The following HDAC9 variants were observed in gnomAD, a reference collection of about 807,000 sequenced individuals.
HDAC9 encodes the protein MEF-2 interacting transcription repressor (MITR) protein.
A neutral mutation model predicts 139.4 loss-of-function variants in HDAC9; 41 were observed. The ratio of observed to expected loss-of-function variants is 0.29; its 90% CI spans 0.23 to 0.38. The LOEUF is 0.38. Among genes scored for constraint, HDAC9 ranks in the 10% least tolerant of loss-of-function variants. The pLI, the probability that HDAC9 is intolerant of heterozygous loss-of-function variation, is 1.00. For synonymous variants in HDAC9, 517 were observed against 476.2 expected, an observed-to-expected ratio of 1.09 and a Z score of -1.12; for missense variants, 1,147 against 1,297.0, an observed-to-expected ratio of 0.88 and a Z score of 1.78.
In HDAC9 at chr7:18,734,598, G is replaced by T. The variant is rs186454583; in HGVS notation, c.1909+6841G>T. Among the ~76,000 whole-genome samples, 355 of 152,268 alleles carry T rather than the reference G, an allele frequency of 2.3e-3. 2 individuals carry two copies. Among genetic ancestry groups the T allele is most frequent in the Non-Finnish European group, 3.8e-3 (260 of 68,032 alleles). ...TTTTTATGGCTGCATAGTATTCCAT[G>T]GTGTATATGCGCCACATTTTCTTAA... is the stretch of plus-strand genomic sequence containing the variant. On this transcript the variant is annotated intron_variant, in intron 13 of 25. Coordinates refer to ENST00000686413, the MANE Select transcript of HDAC9 (RefSeq NM_178425.4).
intron 12 of HDAC9, among the ~76,000 whole-genome samples, chr7:18,707,326 A>G (rs140409458): frequency 1.1e-4 from 17 of 152,360 alleles, no homozygotes; most frequent in African/African-American, 4.1e-4. Flanking sequence ...AGGAAGTCTT[A>G]GAAGTGATGG....
chr7:18,632,189 A>G (rs1782558521), intron 7 of HDAC9, among the ~76,000 whole-genome samples: 1 of 152,010 alleles, frequency 6.6e-6, no homozygotes, highest in African/African-American at 2.4e-5. Context: ...GTTAAAGTAA[A>G]ACCAGAGGTG....
chr7:18,541,350 G>C (rs1012999465), intron 2 of HDAC9, among the ~76,000 whole-genome samples: 5 of 151,970 alleles, frequency 3.3e-5, no homozygotes, highest in Non-Finnish European at 7.4e-5. Context: ...CCAGAAGAGC[G>C]AAAGTAGCTC....
intron 24 of HDAC9, among the ~76,000 whole-genome samples, chr7:18,965,698 G>C (rs887650153): frequency 6.6e-6 from 1 of 152,206 alleles, no homozygotes; most frequent in Non-Finnish European, 1.5e-5. Context: ...AGCTGCGAGG[G>C]AGCAGAGAAA....
intron 1 of HDAC9, among the ~76,000 whole-genome samples, chr7:18,379,476 A>C (rs1785251155): frequency 6.6e-6 from 1 of 152,206 alleles, no homozygotes; most frequent in African/African-American, 2.4e-5. Flanking sequence ...GCATTGCACT[A>C]TTCTGTCTCT....
intron 1 of HDAC9, among the ~76,000 whole-genome samples, chr7:18,401,359 T>C (rs1787524970): frequency 6.6e-6 from 1 of 152,200 alleles, no homozygotes; most frequent in African/African-American, 2.4e-5. Context: ...GCTGTTTGCC[T>C]CATTTGAAGA....
chr7:18,721,821 C>T (rs969689225), intron 12 of HDAC9, among the ~76,000 whole-genome samples: 1 of 152,114 alleles, frequency 6.6e-6, no homozygotes, highest in Non-Finnish European at 1.5e-5. Flanking sequence ...GGGACCTTAG[C>T]ACTTCGTAGT....
At chr7:18,345,305 T>C (rs1350795576) in intron 1 of HDAC9, among the ~76,000 whole-genome samples, 2 of 152,024 alleles carry the variant, frequency 1.3e-5, no homozygotes, top group African/African-American at 4.8e-5. Context: ...GCCTAAAATG[T>C]TCTTTAGTTC....
In HDAC9 at chr7:18,973,500, G is replaced by A. The variant is rs77173396; in HGVS notation, c.3023-2306G>A. Among the ~76,000 whole-genome samples the A allele has an allele frequency of 9.1e-3, 1,392 of 152,184 alleles. 24 individuals carry two copies. The highest frequency in any genetic ancestry group is 0.032 in the African/African-American group (1,333 of 41,490). ...ACTTGAAAGTAAGTTTAATAGTAGCGGACACCCATGTCAACAGGTCTTGTT... is the reference window on the plus strand; with the variant it reads ...ACTTGAAAGTAAGTTTAATAGTAGCAGACACCCATGTCAACAGGTCTTGTT... On this transcript the variant is annotated intron_variant, in intron 24 of 25. Transcript: ENST00000686413.
intron 22 of HDAC9, among the ~76,000 whole-genome samples, chr7:18,900,611 C>A (rs1403009456): frequency 6.6e-6 from 1 of 152,150 alleles, no homozygotes; most frequent in Non-Finnish European, 1.5e-5. Context: ...CGGACAAGAT[C>A]CCATGGACCC....
At chr7:18,851,545 T>G (rs936453700) in intron 21 of HDAC9, 15 of 152,234 alleles carry the variant, frequency 9.9e-5, no homozygotes, top group Non-Finnish European at 1.5e-5. Context: ...TAGTTCTGTA[T>G]AGCAGTGACA....
intron 12 of HDAC9, chr7:18,667,706 A>AC: frequency 1.0e-6 from 1 of 985,248 alleles, no homozygotes; most frequent in Non-Finnish European, 1.2e-6. Flanking sequence ...TAGGAAAAAA[A>AC]ATCTGAGGAT....
chr7:18,311,257 A>C (rs1379884834), intron 1 of HDAC9, among the ~76,000 whole-genome samples: 1 of 152,076 alleles, frequency 6.6e-6, no homozygotes, highest in Non-Finnish European at 1.5e-5. Flanking sequence ...AAAAGCCTTT[A>C]ACCTTTTGAA....
At chr7:18,221,119 TG>T (rs1386647562) in intron 2 of HDAC9, among the ~76,000 whole-genome samples, 25 of 151,608 alleles carry the variant, frequency 1.6e-4, no homozygotes, top group Middle Eastern at 3.5e-3. Flanking sequence ...TTTTTTTTTT[TG>T]TGACGGAGTT....
chr7:18,709,153 G>A (rs1269242412), intron 12 of HDAC9, among the ~76,000 whole-genome samples: 1 of 150,160 alleles, frequency 6.7e-6, no homozygotes, highest in Non-Finnish European at 1.5e-5. Context: ...ATGGTGATTT[G>A]CTTCACCTAT....
At chr7:18,615,598 G>A (rs187497587) in intron 6 of HDAC9, among the ~76,000 whole-genome samples, 61 of 152,130 alleles carry the variant, frequency 4.0e-4, no homozygotes, top group South Asian at 1.4e-3. Flanking sequence ...AACCTTTACC[G>A]TAGAAAATTA....
intron 2 of HDAC9, among the ~76,000 whole-genome samples, chr7:18,228,201 T>C (rs1013351691): frequency 1.3e-5 from 2 of 152,168 alleles, no homozygotes; most frequent in Admixed American, 1.3e-4. Flanking sequence ...GGGGGTTGTT[T>C]AATACTCCAA....
At chr7:18,855,859 A>G (rs1321395272) in intron 21 of HDAC9, among the ~76,000 whole-genome samples, 1 of 152,102 alleles carries the variant, frequency 6.6e-6, no homozygotes, top group African/African-American at 2.4e-5. Flanking sequence ...TAATGGAAAC[A>G]TTCCTTCTTT....
In HDAC9 at chr7:18,106,459, C is replaced by CT. The variant is rs1288928269; in HGVS notation, c.-97+19257dup. On this transcript the variant is annotated intron_variant, in intron 1 of 12. Transcript: ENST00000417496. Reference sequence around the variant, plus strand: ...AGTCTTATTATCCATGCACACATTTCTTTTTTTTTTTGAGATGGAGTCCCA... The same window carrying CT: ...AGTCTTATTATCCATGCACACATTTCTTTTTTTTTTTTGAGATGGAGTCCCA... Among the ~76,000 whole-genome samples the CT allele has an allele frequency of 3.0e-3, 444 of 146,476 alleles. 1 individual carries two copies. The highest frequency in any genetic ancestry group is 9.0e-3 in the African/African-American group (360 of 40,208).
Sources: gnomAD v4.1 joint callset for allele counts (sites outside exome capture counted in the v4.1 genomes callset) on GRCh38, gnomAD v4.1.1 for gene constraint, MANE v1.5 for transcripts, NCBI Gene and HGNC (gene_info 2026-07-23, HGNC 2026-07-21) for gene names.